Variants in ZCWPW2 observed in about 807,000 individuals in gnomAD.
ZCWPW2 encodes the protein zinc finger CW-type and PWWP domain containing 2, also known as zinc finger CW-type PWWP domain protein 2.
ZCWPW2 carries 45 observed loss-of-function variants against 46.6 expected under a neutral mutation model. That is an observed-to-expected ratio of 0.96 (90% CI 0.76 to 1.24). The LOEUF (loss-of-function observed/expected upper bound fraction) is 1.24. Among genes scored for constraint, ZCWPW2 ranks in the 50% most tolerant of loss-of-function variants. ZCWPW2 has a pLI of 0.00. For synonymous variants in ZCWPW2, 152 were observed against 137.1 expected (o/e 1.11, Z -0.76); for missense variants, 429 against 403.9 (o/e 1.06, Z -0.53).
At chr3:28,484,582 C>T (rs1053513486) in intron 5 of ZCWPW2, among the ~76,000 whole-genome samples, 4 of 152,000 alleles carry the variant, frequency 2.6e-5, no homozygotes, top group African/African-American at 9.7e-5. Flanking sequence ...TCATAATGTT[C>T]CTTTATTTTC....
At chr3:28,477,685 A>G (rs1223555614) in intron 4 of ZCWPW2, among the ~76,000 whole-genome samples, 2 of 152,176 alleles carry the variant, frequency 1.3e-5, no homozygotes, top group Non-Finnish European at 2.9e-5. Context: ...AATTAATTCA[A>G]TATGGGTCTT....
chr3:28,417,604 C>T (rs1156240896), intron 3 of ZCWPW2, among the ~76,000 whole-genome samples: 3 of 147,242 alleles, frequency 2.0e-5, no homozygotes, highest in Non-Finnish European at 3.0e-5. Context: ...AACATCGATG[C>T]AGAAATCCTC....
intron 4 of ZCWPW2, among the ~76,000 whole-genome samples, chr3:28,452,507 G>T (rs1698265239): frequency 6.6e-6 from 1 of 152,112 alleles, no homozygotes; most frequent in African/African-American, 2.4e-5. Context: ...GGTTAGCCAG[G>T]CTGGTCTTGA....
chr3:28,357,610 G>A (rs1044977725), intron 1 of ZCWPW2, among the ~76,000 whole-genome samples: 4 of 151,766 alleles, frequency 2.6e-5, no homozygotes, highest in Middle Eastern at 3.4e-3. Context: ...GATCTGGGAC[G>A]TAAGTTTTCT....
chr3:28,518,427 A>G (rs538625990), intron 8 of ZCWPW2, among the ~76,000 whole-genome samples: 1 of 152,264 alleles, frequency 6.6e-6, no homozygotes, highest in East Asian at 1.9e-4. Context: ...GGTAACTGCT[A>G]TTTTTTGAGA....
intron 2 of ZCWPW2, among the ~76,000 whole-genome samples, chr3:28,406,795 T>A (rs1027032249): frequency 6.6e-6 from 1 of 151,548 alleles, no homozygotes; most frequent in Non-Finnish European, 1.5e-5. Flanking sequence ...CATGCATGCA[T>A]GTTTTCATGG....
At chr3:28,413,808 T>C (rs1284297673) in intron 3 of ZCWPW2, among the ~76,000 whole-genome samples, 2 of 152,188 alleles carry the variant, frequency 1.3e-5, no homozygotes, top group Non-Finnish European at 2.9e-5. Flanking sequence ...TGCATTCTAA[T>C]TTAAATCTGT....
At position 28,423,503 on chromosome 3, in the gene ZCWPW2, A is replaced by C. The variant is rs182214536; in HGVS notation, c.332+10103A>C. 1.6e-3 allele frequency among the ~76,000 whole-genome samples: 238 copies of C among 151,176 alleles called. 1 individual carries two copies. Among genetic ancestry groups the C allele is most frequent in the Non-Finnish European group, 2.7e-3 (186 of 67,838 alleles). On this transcript the variant is annotated intron_variant, in intron 3 of 9. Transcript: ENST00000383768. ...TGTCTCAGCCTCCCGAGTAGCTGGG[A>C]CTACAGGTGCCTGCTACCACGCCCA...
chr3:28,521,199 A>G, intron 9 of ZCWPW2, 83 bp downstream of exon 9: 1 of 1,423,514 alleles, frequency 7.0e-7, no homozygotes, highest in East Asian at 2.8e-5. Flanking sequence ...GTACATTTTA[A>G]ATATATAAAA....
At chr3:28,354,160 C>A (rs533859059) in intron 1 of ZCWPW2, among the ~76,000 whole-genome samples, 1 of 151,638 alleles carries the variant, frequency 6.6e-6, no homozygotes, top group South Asian at 2.1e-4. Context: ...AAGAAATTCC[C>A]TTTCATGGGG....
At chr3:28,442,174 G>A (rs888157334) in intron 4 of ZCWPW2, among the ~76,000 whole-genome samples, 2 of 152,192 alleles carry the variant, frequency 1.3e-5, no homozygotes, top group African/African-American at 4.8e-5. Context: ...CCCAAATGAG[G>A]AATACGTTGC....
At chr3:28,399,454 T>C (rs1404667717) in intron 2 of ZCWPW2, among the ~76,000 whole-genome samples, 1 of 152,148 alleles carries the variant, frequency 6.6e-6, no homozygotes, top group Non-Finnish European at 1.5e-5. Context: ...TGGGAAGTGT[T>C]ACCTCCCTGC....
chr3:28,456,028 A>G (rs150321615), intron 4 of ZCWPW2, among the ~76,000 whole-genome samples: 6 of 152,246 alleles, frequency 3.9e-5, no homozygotes, highest in East Asian at 1.9e-4. Context: ...AAGAATGTCA[A>G]TGGTAGTCTA....
intron 1 of ZCWPW2, among the ~76,000 whole-genome samples, chr3:28,387,641 A>G (rs1029731839): frequency 6.6e-6 from 1 of 152,150 alleles, no homozygotes; most frequent in Non-Finnish European, 1.5e-5. Context: ...TATCTACTCT[A>G]TCTGAATCAT....
intron 3 of ZCWPW2, among the ~76,000 whole-genome samples, chr3:28,424,867 A>G (rs570618933): frequency 3.9e-5 from 6 of 152,342 alleles, no homozygotes; most frequent in Admixed American, 3.3e-4. Context: ...ATAGATATGT[A>G]AGAAAAAATA....
chr3:28,430,026 C>T (rs952751989), intron 3 of ZCWPW2, among the ~76,000 whole-genome samples: 14 of 152,218 alleles, frequency 9.2e-5, no homozygotes, highest in African/African-American at 3.1e-4. Flanking sequence ...GGAGCCCCCA[C>T]ACAGAGTCCC....
At chr3:28,467,683 T>C (rs544218594) in intron 4 of ZCWPW2, among the ~76,000 whole-genome samples, 1 of 152,190 alleles carries the variant, frequency 6.6e-6, no homozygotes, top group East Asian at 1.9e-4. Context: ...TCAAGGAACA[T>C]GAGTCTCTGC....
rs547579719 is a variant in ZCWPW2, at chr3:28,354,391, C to T, written c.-134+5188C>T. On this transcript the variant is annotated intron_variant, in intron 1 of 9. Coordinates refer to ENST00000383768, the MANE Select transcript of ZCWPW2 (RefSeq NM_001040432.4). ...TACCAATGAACAAAAAGTCTAGGAC[C>T]AGACGGATTCACAGCCAAATTCTAC... Among the ~76,000 whole-genome samples the T allele has an allele frequency of 2.3e-4, 32 of 140,666 alleles. 4 individuals carry two copies. The South Asian group carries it at 7.4e-3, about 32-fold the overall frequency. 92.3% of individuals were successfully genotyped at this position (140,666 alleles called of 152,430 possible).
chr3:28,373,419 C>T (rs569505605), intron 1 of ZCWPW2, among the ~76,000 whole-genome samples: 6 of 151,456 alleles, frequency 4.0e-5, no homozygotes, highest in African/African-American at 1.5e-4. Context: ...GATGTTGAGC[C>T]TTTTTTCATA....
Sources: allele counts gnomAD v4.1 joint callset (sites outside exome capture counted in the v4.1 genomes callset), GRCh38; gene constraint gnomAD v4.1.1; transcripts MANE v1.5; gene names NCBI Gene and HGNC (gene_info 2026-07-23, HGNC 2026-07-21).